Variants in CTTN observed in about 807,000 individuals in gnomAD.
CTTN encodes cortactin, also known as src substrate cortactin.
A neutral mutation model predicts 84.0 loss-of-function variants in CTTN; 28 were observed. The ratio of observed to expected loss-of-function variants is 0.33; its 90% CI spans 0.25 to 0.46. CTTN has a LOEUF of 0.46. Among genes scored for constraint, CTTN ranks in the 20% least tolerant of loss-of-function variants. CTTN has a pLI of 1.00. For synonymous variants in CTTN, 301 were observed against 288.8 expected (o/e 1.04, Z -0.43); for missense variants, 641 against 723.8 (o/e 0.89, Z 1.31).
At chr11:70,432,145 C>T (rs676889) in intron 15 of CTTN, among the ~76,000 whole-genome samples, 78,962 of 152,008 alleles carry the variant, frequency 0.52, 22,678 homozygotes, top group African/African-American at 0.77. Flanking sequence ...TCCTTGGCTA[C>T]GCTGCTGCCT....
In CTTN at chr11:70,421,823, G is replaced by A. The variant is rs532953736; in HGVS notation, c.901+243G>A. 643 of 494,706 alleles carry A rather than the reference G, an allele frequency of 1.3e-3. 15 individuals are homozygous for A. In the South Asian group the frequency reaches 0.017, roughly 13 times the overall value. 30.6% of individuals were successfully genotyped at this position (494,706 alleles called of 1,614,324 possible). On this transcript the variant is annotated intron_variant, in intron 11 of 17. Transcript: ENST00000301843. ...GGCAGGATGCGCCAGTTAGTGTGTG[G>A]GTGCCATCTTTCTAACCCGGTGACC... is the stretch of plus-strand genomic sequence containing the variant.
At chr11:70,422,679 C>CGCCCCTCCTGCCCCTCCT in intron 11 of CTTN, 1 of 1,425,038 alleles carries the variant, frequency 7.0e-7, no homozygotes, top group Non-Finnish European at 9.3e-7. Flanking sequence ...TGCTGCCCGC[C>CGCCCCTCCTGCCCCTCCT]GCCCCTCCTG....
intron 10 of CTTN, 118 bp from the exon 11 acceptor site, chr11:70,421,352 C>T: frequency 1.3e-6 from 1 of 775,512 alleles, no homozygotes; most frequent in South Asian, 1.5e-5. Flanking sequence ...GCCCTAAGCT[C>T]AGGAGAGCCC....
intron 2 of CTTN, among the ~76,000 whole-genome samples, chr11:70,406,538 C>T (rs1262099915): frequency 1.3e-5 from 2 of 150,678 alleles, no homozygotes; most frequent in African/African-American, 4.9e-5. Context: ...AAAAAAAAAC[C>T]TTAAAATTTT....
intron 17 of CTTN, among the ~76,000 whole-genome samples, chr11:70,434,816 C>T (rs539085860): frequency 6.8e-4 from 103 of 152,346 alleles, no homozygotes; most frequent in African/African-American, 2.5e-3. Flanking sequence ...GTGAAGGGCT[C>T]TGTGCCTCTT....
chr11:70,428,514 G>A (rs1054951981), intron 13 of CTTN, among the ~76,000 whole-genome samples: 6 of 151,796 alleles, frequency 4.0e-5, no homozygotes, highest in East Asian at 1.9e-4. Context: ...TAATAGACAC[G>A]GGGTCTCACT....
At chr11:70,413,746 A>G (rs2058122632) in intron 5 of CTTN, among the ~76,000 whole-genome samples, 1 of 152,222 alleles carries the variant, frequency 6.6e-6, no homozygotes. Context: ...GGTGCTGCTC[A>G]GCGGAAATCC....
intron 14 of CTTN, among the ~76,000 whole-genome samples, chr11:70,429,673 C>A (rs2058334199): frequency 6.6e-6 from 1 of 152,166 alleles, no homozygotes; most frequent in African/African-American, 2.4e-5. Context: ...GCCCCGCTCA[C>A]CCAAGCCCCT....
At chr11:70,433,488 G>A (rs550091245) in intron 16 of CTTN, 159 bp from the exon 17 acceptor site, 2 of 776,174 alleles carry the variant, frequency 2.6e-6, no homozygotes, top group Admixed American at 2.1e-5. Flanking sequence ...GATCCCCATT[G>A]TGCTGGGGAC....
At position 70,431,719 on chromosome 11, in the gene CTTN, C is replaced by T. The variant is rs1449936041; in HGVS notation, c.1266+439C>T. On this transcript the variant is annotated intron_variant, in intron 15 of 17. Coordinates refer to ENST00000301843, the MANE Select transcript of CTTN (RefSeq NM_005231.4). ...TTCTATGCCTGCCCCATTCAGCTCT[C>T]CAGCCTTGCAGCCCCTCATGAGTGT... 2.0e-5 allele frequency among the ~76,000 whole-genome samples: 3 copies of T among 152,240 alleles called. No individual in the cohort carries two copies. The East Asian group carries it at 5.8e-4, about 29-fold the overall frequency.
At chr11:70,411,381 AGC>A (rs1254934384) in intron 5 of CTTN, among the ~76,000 whole-genome samples, 12 of 136,236 alleles carry the variant, frequency 8.8e-5, no homozygotes, top group African/African-American at 4.1e-4. Context: ...CAGCGAGCGA[AGC>A]GTGTGCACAC....
chr11:70,414,500 T>G, intron 5 of CTTN, 42 bp from the exon 6 acceptor site: 1 of 1,407,868 alleles, frequency 7.1e-7, no homozygotes, highest in Non-Finnish European at 1.0e-6. Flanking sequence ...AGCGCCGCAG[T>G]GTTGTTGGTG....
At chr11:70,434,961 C>CT (rs966187331) in intron 17 of CTTN, 65 bp from the exon 18 acceptor site, 10 of 1,579,242 alleles carry the variant, frequency 6.3e-6, no homozygotes, top group African/African-American at 2.7e-5. Flanking sequence ...CTGGGTTGTG[C>CT]TTTTTTTCTG....
intron 1 of CTTN, among the ~76,000 whole-genome samples, chr11:70,403,178 A>T (rs2058005907): frequency 6.7e-6 from 1 of 149,664 alleles, no homozygotes; most frequent in Admixed American, 6.7e-5. Context: ...ATTGAATTAT[A>T]AGAGTTCCTT....
chr11:70,415,168 ATTGTGGCTT>A (rs2058143745), intron 6 of CTTN, among the ~76,000 whole-genome samples: 1 of 152,120 alleles, frequency 6.6e-6, no homozygotes, highest in Non-Finnish European at 1.5e-5. Context: ...CTGGTCGCAG[ATTGTGGCTT>A]TGTGACATAT....
In CTTN at chr11:70,436,272, C is replaced by A. The variant is rs578147334; in HGVS notation, c.*1110C>A. ...CGCTGTCCTGGCATTTGTGGCCACT[C>A]ACTTTGTAGGAAACTCATCTCCTTC... On this transcript the variant is annotated 3_prime_UTR_variant, in exon 18 of 18. Coordinates refer to ENST00000301843, the MANE Select transcript of CTTN (RefSeq NM_005231.4). The A allele has an allele frequency of 6.3e-7, 1 of 1,597,410 alleles. No homozygotes were observed. The highest frequency in any genetic ancestry group is 1.1e-5 in the South Asian group (1 of 90,962).
intron 2 of CTTN, among the ~76,000 whole-genome samples, chr11:70,406,050 T>G (rs1004004860): frequency 6.6e-6 from 1 of 152,242 alleles, no homozygotes; most frequent in African/African-American, 2.4e-5. Flanking sequence ...GTTCTGAGAT[T>G]CTAGTTCATC....
intron 3 of CTTN, 54 bp downstream of exon 3, chr11:70,407,438 T>C: frequency 2.5e-6 from 4 of 1,612,900 alleles, no homozygotes; most frequent in Non-Finnish European, 3.4e-6. Flanking sequence ...GTGGCTCTCC[T>C]GGGTTTTTCT....
At chr11:70,428,955 G>A (rs1348423945) in intron 13 of CTTN, 96 bp from the exon 14 acceptor site, 9 of 1,462,000 alleles carry the variant, frequency 6.2e-6, no homozygotes, top group South Asian at 1.2e-5. Flanking sequence ...GGGATGACCG[G>A]TTCCTGGGGA....
Sources: allele counts gnomAD v4.1 joint callset (sites outside exome capture counted in the v4.1 genomes callset), GRCh38; gene constraint gnomAD v4.1.1; transcripts MANE v1.5; gene names NCBI Gene and HGNC (gene_info 2026-07-23, HGNC 2026-07-21).